The following CENPW variants were observed in gnomAD, a reference collection of about 807,000 sequenced individuals.
CENPW encodes cancer-up-regulated gene 2 protein.
CENPW carries 3 observed loss-of-function variants against 11.1 expected under a neutral mutation model. The ratio of observed to expected loss-of-function variants is 0.27; its 90% CI spans 0.12 to 0.70. The LOEUF (loss-of-function observed/expected upper bound fraction) is 0.70, where lower values mean the gene tolerates loss of function less well. Ranked by LOEUF, CENPW falls within the 30% of genes least tolerant of loss-of-function variation. The probability of loss-of-function intolerance (pLI) is 0.77; values close to 1 mark genes in which losing one functional copy is unlikely to be tolerated. For missense variants in CENPW, 100 were observed against 105.6 expected (o/e 0.95, Z 0.23); for synonymous variants, 38 against 42.0 (o/e 0.91, Z 0.37).
the CENPW span, among the ~76,000 whole-genome samples, chr6:126,361,181 A>G: frequency 6.6e-6 from 1 of 152,218 alleles, no homozygotes; most frequent in Non-Finnish European, 1.5e-5. Context: ...GATGTATATT[A>G]GATAATTTTG....
At chr6:126,353,618 A>G (rs1297816684), downstream of CENPW, among the ~76,000 whole-genome samples, 2 of 151,670 alleles carry the variant, frequency 1.3e-5, no homozygotes, top group Non-Finnish European at 2.9e-5. Flanking sequence ...ATACCATAGG[A>G]TGGTGTTTTT....
At chr6:126,370,302 G>T in the CENPW span, among the ~76,000 whole-genome samples, 1 of 152,004 alleles carries the variant, frequency 6.6e-6, no homozygotes, top group Non-Finnish European at 1.5e-5. Flanking sequence ...CTAGTTCTGT[G>T]AAGAATGATG....
At chr6:126,348,190 A>G (rs1460001317) in intron 2 of CENPW, among the ~76,000 whole-genome samples, 4 of 152,136 alleles carry the variant, frequency 2.6e-5, no homozygotes, top group African/African-American at 4.8e-5. Flanking sequence ...GGTTTACAAT[A>G]GAAGAAATTA....
chr6:126,395,638 A>G, the CENPW span, among the ~76,000 whole-genome samples: 1 of 152,080 alleles, frequency 6.6e-6, no homozygotes, highest in East Asian at 1.9e-4. Context: ...TTAGGTGTTT[A>G]TTGTAGTCTT....
the CENPW span, among the ~76,000 whole-genome samples, chr6:126,431,056 A>G: frequency 6.6e-6 from 1 of 152,200 alleles, no homozygotes; most frequent in Non-Finnish European, 1.5e-5. Context: ...ACACATGCAT[A>G]CAGACATAGT....
chr6:126,444,410 C>A, the CENPW span, among the ~76,000 whole-genome samples: 11 of 150,598 alleles, frequency 7.3e-5, no homozygotes, highest in African/African-American at 2.4e-4. Flanking sequence ...CTTAAATTTT[C>A]CTTTTTCTAT....
At chr6:126,419,496 C>T in the CENPW span, among the ~76,000 whole-genome samples, 1 of 152,026 alleles carries the variant, frequency 6.6e-6, no homozygotes, top group African/African-American at 2.4e-5. Context: ...CGTTTATATT[C>T]TAGTAAGGGG....
the CENPW span, among the ~76,000 whole-genome samples, chr6:126,470,684 C>T: frequency 6.6e-6 from 1 of 152,240 alleles, no homozygotes; most frequent in Non-Finnish European, 1.5e-5. Context: ...GCCACGGGGG[C>T]TGTGCCCTGT....
At chr6:126,363,632 T>C in the CENPW span, among the ~76,000 whole-genome samples, 441 of 152,346 alleles carry the variant, frequency 2.9e-3, 3 homozygotes, top group Non-Finnish European at 4.7e-3. Context: ...TTCTCATGTT[T>C]CTGGTAGCAG....
At chr6:126,346,541 C>T (rs1477109545) in intron 2 of CENPW, among the ~76,000 whole-genome samples, 1 of 152,144 alleles carries the variant, frequency 6.6e-6, no homozygotes, top group East Asian at 1.9e-4. Flanking sequence ...AGGAAACATT[C>T]ATGTTCCTAC....
At chr6:126,481,286 T>G in the CENPW span, among the ~76,000 whole-genome samples, 141 of 152,140 alleles carry the variant, frequency 9.3e-4, 1 homozygote, top group Admixed American at 2.0e-3. Flanking sequence ...ATTTTTTTTT[T>G]GGGGTGCATA....
the CENPW span, among the ~76,000 whole-genome samples, chr6:126,354,975 G>T: frequency 1.3e-5 from 2 of 151,930 alleles, no homozygotes; most frequent in Non-Finnish European, 2.9e-5. Flanking sequence ...AAACTACCTA[G>T]AAATAAAAGT....
chr6:126,462,242 T>G, the CENPW span, among the ~76,000 whole-genome samples: 1 of 151,952 alleles, frequency 6.6e-6, no homozygotes. Context: ...TCTAGCAAAT[T>G]AACATATCCA....
Position 126,340,290 on chromosome 6 carries a change from T to C in CENPW, c.17T>C (p.Ile6Thr), listed in dbSNP as rs1780275425. 3 of 1,613,580 alleles carry C rather than the reference T, an allele frequency of 1.9e-6. No individual in the cohort carries two copies. The highest frequency in any genetic ancestry group is 1.3e-5 in the African/African-American group (1 of 74,902). Reference sequence around the variant, plus strand: ...ACAGAGAGGATGGCGCTGTCGACCATAGTCTCCCAGAGGAAGCAGATAAAG... The same window carrying C: ...ACAGAGAGGATGGCGCTGTCGACCACAGTCTCCCAGAGGAAGCAGATAAAG... MALSTIVSQRKQIKRK... is the reference protein window; with the variant it reads MALSTTVSQRKQIKRK... The change falls in exon 1 of 3, where the codon ATA becomes ACA. Residue 6 changes from isoleucine to threonine, a missense_variant. By Grantham distance (89) the Ile-to-Thr change is moderately conservative (BLOSUM62 -1). Coordinates refer to ENST00000368328, the MANE Select transcript of CENPW (RefSeq NM_001012507.4).
the CENPW span, among the ~76,000 whole-genome samples, chr6:126,431,730 G>A: frequency 6.6e-6 from 1 of 151,936 alleles, no homozygotes; most frequent in Non-Finnish European, 1.5e-5. Context: ...GTTTCATGCC[G>A]CAGCAACCTG....
the CENPW span, among the ~76,000 whole-genome samples, chr6:126,428,329 A>AT: frequency 1.3e-5 from 2 of 152,166 alleles, no homozygotes; most frequent in Non-Finnish European, 2.9e-5. Context: ...TACATTGACT[A>AT]TTATTGTCAT....
At chr6:126,475,628 C>T in the CENPW span, among the ~76,000 whole-genome samples, 15 of 151,958 alleles carry the variant, frequency 9.9e-5, no homozygotes, top group South Asian at 1.2e-3. Flanking sequence ...TGCTACTTAG[C>T]AGTCATCTCT....
At chr6:126,353,152 ATATT>A (rs887622908), downstream of CENPW, among the ~76,000 whole-genome samples, 123 of 152,050 alleles carry the variant, frequency 8.1e-4, no homozygotes, top group African/African-American at 2.6e-3. Context: ...TACTAAGTGA[ATATT>A]TATATTATCA....
At chr6:126,435,713 G>C in the CENPW span, among the ~76,000 whole-genome samples, 1 of 151,782 alleles carries the variant, frequency 6.6e-6, no homozygotes, top group African/African-American at 2.4e-5. Flanking sequence ...TTAAATGAGA[G>C]GCTGAGTCAC....
Sources: allele counts gnomAD v4.1 joint callset (sites outside exome capture counted in the v4.1 genomes callset), GRCh38; gene constraint gnomAD v4.1.1; transcripts MANE v1.5; gene names NCBI Gene and HGNC (gene_info 2026-07-23, HGNC 2026-07-21).